PPM1L: variants seen among roughly 807,000 people sequenced by gnomAD.
PPM1L encodes the protein protein phosphatase, Mg2+/Mn2+ dependent 1L.
In PPM1L, 13 loss-of-function variants were observed where a neutral mutation model predicts 31.4. The observed-to-expected ratio is 0.41, with a 90% CI of 0.27 to 0.66. The LOEUF is 0.66. Ranked by LOEUF, PPM1L falls within the 30% of genes least tolerant of loss-of-function variation. The pLI is 0.29. For synonymous variants in PPM1L, 184 were observed against 175.4 expected (o/e 1.05, Z -0.39); for missense variants, 326 against 453.7 (o/e 0.72, Z 2.56).
intron 2 of PPM1L, among the ~76,000 whole-genome samples, chr3:161,014,606 C>G (rs1187446444): frequency 6.6e-6 from 1 of 151,908 alleles, no homozygotes; most frequent in African/African-American, 2.4e-5. Flanking sequence ...CCCTGAGTAG[C>G]TGGGATTACA....
chr3:160,798,675 G>A (rs1273168872), intron 1 of PPM1L, among the ~76,000 whole-genome samples: 3 of 152,184 alleles, frequency 2.0e-5, no homozygotes, highest in African/African-American at 7.2e-5. Flanking sequence ...TAATGGAGAT[G>A]TACAAGGAAA....
At chr3:161,012,358 G>A (rs1407122859) in intron 2 of PPM1L, among the ~76,000 whole-genome samples, 1 of 152,162 alleles carries the variant, frequency 6.6e-6, no homozygotes, top group African/African-American at 2.4e-5. Context: ...TTGCATCCCA[G>A]GGATGAAGCC....
intron 1 of PPM1L, among the ~76,000 whole-genome samples, chr3:160,776,827 C>A (rs1292610271): frequency 6.6e-6 from 1 of 151,862 alleles, no homozygotes; most frequent in Non-Finnish European, 1.5e-5. Flanking sequence ...TCTCGAATTC[C>A]TGACTTTGTG....
chr3:160,922,021 C>T (rs994405963), intron 1 of PPM1L, among the ~76,000 whole-genome samples: 3 of 152,124 alleles, frequency 2.0e-5, no homozygotes, highest in African/African-American at 7.2e-5. Context: ...GATTAGATTC[C>T]TGCTGACGGC....
rs1342592004 is a variant in PPM1L at position 161,078,594 on chromosome 3, G to A, written c.*9437G>A. The A allele has an allele frequency of 6.6e-6, 1 of 152,190 alleles. No homozygotes were observed. The highest frequency in any genetic ancestry group is 1.5e-5 in the Non-Finnish European group (1 of 68,044). 9.4% of individuals were successfully genotyped at this position (152,190 alleles called of 1,614,324 possible). Reference sequence around the variant, plus strand: ...TGGCGAAACCTCATTACTCTTGGAAGTCTTCAGAGGTTATTATACCTACTG... The same window carrying A: ...TGGCGAAACCTCATTACTCTTGGAAATCTTCAGAGGTTATTATACCTACTG... On this transcript the variant is annotated 3_prime_UTR_variant, in exon 4 of 4. Coordinates refer to ENST00000498165, the MANE Select transcript of PPM1L (RefSeq NM_139245.4).
At chr3:161,033,184 A>G (rs1032978009) in intron 2 of PPM1L, among the ~76,000 whole-genome samples, 2 of 152,204 alleles carry the variant, frequency 1.3e-5, no homozygotes, top group African/African-American at 4.8e-5. Flanking sequence ...GCTCAACGAA[A>G]TAAGAGAGGA....
intron 1 of PPM1L, among the ~76,000 whole-genome samples, chr3:160,920,299 C>G (rs1714342692): frequency 6.6e-6 from 1 of 152,134 alleles, no homozygotes; most frequent in African/African-American, 2.4e-5. Flanking sequence ...CTCTAAGACT[C>G]TAGGGCCCAA....
At chr3:160,789,734 C>G (rs1204834307) in intron 1 of PPM1L, among the ~76,000 whole-genome samples, 1 of 151,470 alleles carries the variant, frequency 6.6e-6, no homozygotes, top group African/African-American at 2.4e-5. Context: ...CTCCTTGGAC[C>G]TGCTAATGGT....
chr3:160,954,924 T>TTTCCTTCCTTCCTTCCTTCC (rs796768427), intron 1 of PPM1L, among the ~76,000 whole-genome samples: 4 of 86,024 alleles, frequency 4.6e-5, no homozygotes, highest in Non-Finnish European at 7.4e-5. Flanking sequence ...TCCTTCCTTC[T>TTTCCTTCCTTCCTTCCTTCC]TTCCTTCCTT....
intron 1 of PPM1L, among the ~76,000 whole-genome samples, chr3:160,854,120 C>T (rs143994430): frequency 3.8e-4 from 58 of 152,286 alleles, no homozygotes; most frequent in African/African-American, 1.4e-3. Flanking sequence ...TCTTTCAGAC[C>T]TTAGACATGT....
rs1441502907 is a variant in PPM1L, at chr3:161,074,964, C to T, written c.*5807C>T. ...TATTTAAACACAAAATCCCACCTAA[C>T]ATTTGCCAAATCCAAGTTAATCTCA... On this transcript the variant is annotated 3_prime_UTR_variant, in exon 4 of 4. Coordinates refer to ENST00000498165, the MANE Select transcript of PPM1L (RefSeq NM_139245.4). The T allele has an allele frequency of 2.6e-5, 4 of 152,086 alleles. No homozygotes were observed. Among genetic ancestry groups the T allele is most frequent in the African/African-American group, 9.7e-5 (4 of 41,406 alleles). 9.4% of individuals were successfully genotyped at this position (152,086 alleles called of 1,614,324 possible).
intron 1 of PPM1L, among the ~76,000 whole-genome samples, chr3:160,954,146 G>C (rs529089466): frequency 2.0e-5 from 3 of 152,050 alleles, no homozygotes; most frequent in Non-Finnish European, 4.4e-5. Context: ...GTAAAAATCT[G>C]TTAGGGTTGT....
chr3:160,827,440 T>A (rs1302399600), intron 1 of PPM1L, among the ~76,000 whole-genome samples: 1 of 147,628 alleles, frequency 6.8e-6, no homozygotes, highest in Non-Finnish European at 1.5e-5. Flanking sequence ...AGTGTTTTGA[T>A]ATAAGTTTGT....
At chr3:161,037,966 G>A (rs891624717) in intron 2 of PPM1L, among the ~76,000 whole-genome samples, 4 of 151,922 alleles carry the variant, frequency 2.6e-5, no homozygotes, top group African/African-American at 9.7e-5. Flanking sequence ...GGGCGCGGTG[G>A]CTCACGCCTG....
Position 160,954,034 on chromosome 3 carries a change from A to T in PPM1L, c.400-7702A>T, listed in dbSNP as rs963808220. ...GCATTGCCATCTTTGTAAAAAATTA[A>T]TTTTTTTTTCTAATTTAAAAGCAAT... On this transcript the variant is annotated intron_variant, in intron 1 of 3. Coordinates refer to ENST00000498165, the MANE Select transcript of PPM1L (RefSeq NM_139245.4). Among the ~76,000 whole-genome samples, 6 of 151,720 alleles carry T rather than the reference A, an allele frequency of 4.0e-5. No individual in the cohort carries two copies. In the East Asian group the frequency reaches 5.8e-4, roughly 15 times the overall value.
chr3:160,937,849 C>A (rs1559894354), intron 1 of PPM1L, among the ~76,000 whole-genome samples: 1 of 152,250 alleles, frequency 6.6e-6, no homozygotes, highest in Middle Eastern at 3.4e-3. Flanking sequence ...AGGATACTTT[C>A]TAAGTGTATG....
At chr3:160,906,451 A>G (rs1340616358) in intron 1 of PPM1L, among the ~76,000 whole-genome samples, 1 of 152,118 alleles carries the variant, frequency 6.6e-6, no homozygotes, top group African/African-American at 2.4e-5. Flanking sequence ...AAAATACAAA[A>G]ATTAGCTGGG....
chr3:161,038,158 C>T (rs1042894796), intron 2 of PPM1L, among the ~76,000 whole-genome samples: 111 of 142,724 alleles, frequency 7.8e-4, no homozygotes, highest in African/African-American at 2.5e-3. Context: ...GGCGTGAACC[C>T]GGGAGGCGGA....
chr3:161,047,109 G>T (rs1719105798), intron 2 of PPM1L, among the ~76,000 whole-genome samples: 1 of 152,148 alleles, frequency 6.6e-6, no homozygotes. Context: ...GCAGGAGAAA[G>T]AAATAAAGGG....
Sources: allele counts gnomAD v4.1 joint callset (sites outside exome capture counted in the v4.1 genomes callset), GRCh38; gene constraint gnomAD v4.1.1; transcripts MANE v1.5; gene names NCBI Gene and HGNC (gene_info 2026-07-23, HGNC 2026-07-21).